The following GRIK4 variants were observed in gnomAD, a reference collection of about 807,000 sequenced individuals.
GRIK4 encodes the protein glutamate receptor ionotropic, kainate 4.
GRIK4 carries 40 observed loss-of-function variants against 104.9 expected under a neutral mutation model. The ratio of observed to expected loss-of-function variants is 0.38; its 90% CI spans 0.30 to 0.50. The LOEUF is 0.50. GRIK4 is among the 20% of genes least tolerant of loss of function. GRIK4 has a pLI of 0.93. For synonymous variants in GRIK4, 485 were observed against 524.9 expected (o/e 0.92, Z 1.04); for missense variants, 1,047 against 1,308.1 (o/e 0.80, Z 3.08).
At chr11:120,615,121 T>C (rs1949093409) in intron 1 of GRIK4, among the ~76,000 whole-genome samples, 1 of 152,248 alleles carries the variant, frequency 6.6e-6, no homozygotes, top group Non-Finnish European at 1.5e-5. Context: ...GTATCTCATC[T>C]TGGTCCTTTT....
intron 1 of GRIK4, among the ~76,000 whole-genome samples, chr11:120,577,290 G>A (rs967795425): frequency 3.9e-5 from 6 of 152,120 alleles, no homozygotes; most frequent in African/African-American, 1.4e-4. Context: ...GGAGAGCCAG[G>A]TGGGTTTCTG....
At chr11:120,947,409 A>AC (rs916831057) in intron 14 of GRIK4, among the ~76,000 whole-genome samples, 7 of 152,208 alleles carry the variant, frequency 4.6e-5, no homozygotes, top group Admixed American at 2.0e-4. Context: ...CTCAAAAAAA[A>AC]AAAAAAAAGT....
intron 1 of GRIK4, among the ~76,000 whole-genome samples, chr11:120,613,954 C>G (rs1949071641): frequency 6.6e-6 from 1 of 152,234 alleles, no homozygotes; most frequent in African/African-American, 2.4e-5. Context: ...TCTGTTTTGA[C>G]TCAGCAATGG....
intron 9 of GRIK4, chr11:120,873,236 C>T (rs1401420068): frequency 6.6e-6 from 1 of 152,420 alleles, no homozygotes; most frequent in African/African-American, 2.4e-5. Flanking sequence ...AGGAGTGGTC[C>T]AACTCTCCAC....
At chr11:120,872,002 G>A (rs1592015543) in intron 9 of GRIK4, 4 of 439,288 alleles carry the variant, frequency 9.1e-6, no homozygotes, top group African/African-American at 4.0e-5. Context: ...TAGGAAATAA[G>A]CCCATCCACC....
chr11:120,960,604 C>G (rs1444727420), intron 16 of GRIK4, among the ~76,000 whole-genome samples: 1 of 152,236 alleles, frequency 6.6e-6, no homozygotes, highest in African/African-American at 2.4e-5. Context: ...TAGCTCATTT[C>G]TCACAGTCTC....
At chr11:120,685,946 CA>C (rs1420334515) in intron 3 of GRIK4, among the ~76,000 whole-genome samples, 4 of 152,148 alleles carry the variant, frequency 2.6e-5, no homozygotes, top group African/African-American at 9.7e-5. Flanking sequence ...TACCTCTCTC[CA>C]ACTCCAGCTG....
In GRIK4 at chr11:120,755,867, G is replaced by A. The variant is rs533181784; in HGVS notation, c.83-46826G>A. On this transcript the variant is annotated intron_variant, in intron 3 of 20. Coordinates refer to ENST00000527524, the MANE Select transcript of GRIK4 (RefSeq NM_014619.5). ...TAGGACATTTTATCATCTCATGATA[G>A]CCTGGTAGGTAAACTATTATTGTCA... is the stretch of plus-strand genomic sequence containing the variant. Among the ~76,000 whole-genome samples the A allele has an allele frequency of 2.0e-5, 3 of 152,304 alleles. No homozygotes were observed. In the South Asian group the frequency reaches 6.2e-4, roughly 32 times the overall value.
intron 6 of GRIK4, among the ~76,000 whole-genome samples, chr11:120,827,236 G>A (rs910538101): frequency 2.0e-5 from 3 of 152,126 alleles, no homozygotes. Flanking sequence ...CTTGTCCTGC[G>A]GCTGTGTCCA....
In GRIK4 at chr11:120,741,275, C is replaced by CTTT. The variant is rs762543001; in HGVS notation, c.83-61397_83-61395dup. ...AGTGGCAGAACAGGCCGTGTGCTTT[C>CTTT]TTTTTTTTTTTTTTTTTTTTTTTGA... On this transcript the variant is annotated intron_variant, in intron 3 of 20. Transcript: ENST00000527524. Among the ~76,000 whole-genome samples, 518 of 106,858 alleles carry CTTT rather than the reference C, an allele frequency of 4.8e-3. 7 individuals are homozygous for CTTT. The highest frequency in any genetic ancestry group is 7.4e-3 in the Middle Eastern group (1 of 136). 70.1% of individuals were successfully genotyped at this position (106,858 alleles called of 152,430 possible). A position where few individuals can be genotyped will look rare whatever the true frequency, so the allele number is the denominator to read the frequency against.
At chr11:120,756,711 A>G (rs1232654469) in intron 3 of GRIK4, among the ~76,000 whole-genome samples, 5 of 152,224 alleles carry the variant, frequency 3.3e-5, no homozygotes, top group African/African-American at 9.6e-5. Context: ...CACAGAGCTC[A>G]GATCCTGACA....
chr11:120,813,086 A>T (rs957887044), intron 4 of GRIK4, among the ~76,000 whole-genome samples: 2 of 152,258 alleles, frequency 1.3e-5, no homozygotes, highest in Admixed American at 6.5e-5. Flanking sequence ...TGGATTCAGT[A>T]GACGAGGTGG....
chr11:120,580,879 A>G (rs1027331463), intron 1 of GRIK4, among the ~76,000 whole-genome samples: 2 of 152,120 alleles, frequency 1.3e-5, no homozygotes, highest in South Asian at 2.1e-4. Flanking sequence ...TTCCCTTCCT[A>G]TCACCAACGC....
intron 3 of GRIK4, among the ~76,000 whole-genome samples, chr11:120,779,246 G>A (rs1337551583): frequency 6.6e-6 from 1 of 152,186 alleles, no homozygotes; most frequent in African/African-American, 2.4e-5. Flanking sequence ...GAGCCAGGGC[G>A]AAGGAAGGTG....
intron 1 of GRIK4, among the ~76,000 whole-genome samples, chr11:120,563,884 G>A (rs1346948910): frequency 6.6e-6 from 1 of 152,166 alleles, no homozygotes; most frequent in African/African-American, 2.4e-5. Context: ...CTCCACGCCC[G>A]CTCTGAGCAC....
At chr11:120,597,751 A>G (rs761998179) in intron 1 of GRIK4, among the ~76,000 whole-genome samples, 2 of 152,076 alleles carry the variant, frequency 1.3e-5, no homozygotes, top group African/African-American at 2.4e-5. Flanking sequence ...TTCTCTAAGC[A>G]TCTGAAAGCG....
At chr11:120,576,188 T>C (rs1030937265) in intron 1 of GRIK4, among the ~76,000 whole-genome samples, 7 of 152,236 alleles carry the variant, frequency 4.6e-5, no homozygotes, top group African/African-American at 1.7e-4. Flanking sequence ...GCTGGCTGAT[T>C]GTTGTTTAAT....
intron 19 of GRIK4, among the ~76,000 whole-genome samples, chr11:120,979,647 G>A (rs981897545): frequency 6.6e-6 from 1 of 152,172 alleles, no homozygotes; most frequent in Admixed American, 6.5e-5. Flanking sequence ...ACATGAGTAT[G>A]TGAATGTGCT....
Position 120,988,169 on chromosome 11 carries a change from A to G in GRIK4, c.*1909A>G, listed in dbSNP as rs1390838409. 6.6e-6 allele frequency: 1 copy of G among 152,206 alleles called. No individual in the cohort carries two copies. Among genetic ancestry groups the G allele is most frequent in the Non-Finnish European group, 1.5e-5 (1 of 68,050 alleles). The allele number at this position is 152,206 out of a possible 1,614,324, so 9.4% of individuals were successfully genotyped here. On this transcript the variant is annotated 3_prime_UTR_variant, in exon 21 of 21. Transcript: ENST00000527524. ...GTTTTGTCCTCACCTGACCTCACTC[A>G]TGAATTTGAATCCTTTATCTTTTTT...
Sources: gnomAD v4.1 joint callset for allele counts (sites outside exome capture counted in the v4.1 genomes callset) on GRCh38, gnomAD v4.1.1 for gene constraint, MANE v1.5 for transcripts, NCBI Gene and HGNC (gene_info 2026-07-23, HGNC 2026-07-21) for gene names.